Variants in PDE5A observed in about 807,000 individuals in gnomAD.
The protein encoded by PDE5A is cGMP-specific 3',5'-cyclic phosphodiesterase.
A neutral mutation model predicts 110.2 loss-of-function variants in PDE5A; 67 were observed. That is an observed-to-expected ratio of 0.61 (90% CI 0.50 to 0.75). The LOEUF (loss-of-function observed/expected upper bound fraction) is 0.75, where lower values mean the gene tolerates loss of function less well. PDE5A is among the 30% of genes least tolerant of loss of function. The probability of loss-of-function intolerance (pLI) is 0.00; values close to 1 mark genes in which losing one functional copy is unlikely to be tolerated. For synonymous variants in PDE5A, 328 were observed against 351.2 expected, an observed-to-expected ratio of 0.93 and a Z score of 0.74; for missense variants, 862 against 1,045.1, an observed-to-expected ratio of 0.82 and a Z score of 2.42.
intron 7 of PDE5A, among the ~76,000 whole-genome samples, chr4:119,554,004 T>C (rs1352072058): frequency 6.6e-6 from 1 of 152,136 alleles, no homozygotes; most frequent in African/African-American, 2.4e-5. Flanking sequence ...TCATCGCAAA[T>C]GGGCATGGTG....
intron 11 of PDE5A, among the ~76,000 whole-genome samples, chr4:119,526,741 C>A (rs941014616): frequency 1.3e-5 from 2 of 152,126 alleles, no homozygotes; most frequent in African/African-American, 4.8e-5. Context: ...TCTGAAGGCA[C>A]TTGCACATTC....
chr4:119,576,686 C>A (rs1728363565), intron 3 of PDE5A, among the ~76,000 whole-genome samples: 1 of 151,944 alleles, frequency 6.6e-6, no homozygotes, highest in Non-Finnish European at 1.5e-5. Context: ...ACATTCAAAG[C>A]AGTGTGTAGA....
intron 9 of PDE5A, chr4:119,550,263 C>T (rs1267410247): frequency 1.3e-5 from 2 of 152,158 alleles, no homozygotes; most frequent in African/African-American, 2.4e-5. Flanking sequence ...ATTTTTCTCT[C>T]CAAAATCTAC....
rs779232858 is a variant in PDE5A, at chr4:119,498,726, C to T, written c.2503G>A (p.Val835Met). Residue 835 changes from valine to methionine, a missense_variant, in exon 21 of 21, where the codon GTG becomes ATG. Physicochemically the swap from Val to Met is conservative, Grantham distance 21. Transcript: ENST00000354960. ...CLQLYEALTH[V>M]SEDCFPLLDG... ...AGCAAAGGGAAACAGTCCTCTGACA[C>T]GTGGGTCAGGGCCTAAAGAGAAAAA... is the stretch of plus-strand genomic sequence containing the variant. The T allele has an allele frequency of 5.6e-6, 9 of 1,613,720 alleles. No individual in the cohort carries two copies. The highest frequency in any genetic ancestry group is 1.6e-4 in the Middle Eastern group (1 of 6,074).
chr4:119,555,568 T>C (rs1727506999), intron 7 of PDE5A, among the ~76,000 whole-genome samples: 1 of 152,170 alleles, frequency 6.6e-6, no homozygotes, highest in South Asian at 2.1e-4. Flanking sequence ...ATGAAGTATA[T>C]TGGAGAAGTA....
At chr4:119,510,582 A>G (rs1725703238) in intron 15 of PDE5A, among the ~76,000 whole-genome samples, 1 of 152,036 alleles carries the variant, frequency 6.6e-6, no homozygotes, top group South Asian at 2.1e-4. Flanking sequence ...AGCATAGCAT[A>G]TGCTTTCTTA....
Position 119,577,366 on chromosome 4 carries a change from T to G in PDE5A, c.832-10222A>C, listed in dbSNP as rs1157764522. Among the ~76,000 whole-genome samples, 11 of 152,258 alleles carry G rather than the reference T, an allele frequency of 7.2e-5. No individual in the cohort carries two copies. In the East Asian group the frequency reaches 1.9e-3, roughly 27 times the overall value. On this transcript the variant is annotated intron_variant, in intron 3 of 20. Coordinates refer to ENST00000354960, the MANE Select transcript of PDE5A (RefSeq NM_001083.4). ...CCAGCATCATCCTGATACCAAAGCC[T>G]GGCAGAGACACCACAAAAAAAGAGA...
chr4:119,594,103 G>A (rs1729071910), intron 3 of PDE5A, among the ~76,000 whole-genome samples: 1 of 152,044 alleles, frequency 6.6e-6, no homozygotes, highest in Non-Finnish European at 1.5e-5. Context: ...AATCATGTCA[G>A]TACGCGAATT....
At chr4:119,587,127 A>G (rs1449268249) in intron 3 of PDE5A, among the ~76,000 whole-genome samples, 1 of 152,242 alleles carries the variant, frequency 6.6e-6, no homozygotes, top group Non-Finnish European at 1.5e-5. Flanking sequence ...CCTCAAGTCC[A>G]GAACAAACAG....
intron 11 of PDE5A, among the ~76,000 whole-genome samples, chr4:119,535,030 T>C (rs1726681136): frequency 6.6e-6 from 1 of 152,080 alleles, no homozygotes; most frequent in South Asian, 2.1e-4. Flanking sequence ...CAAACCCTGG[T>C]ATATATTTTA....
intron 11 of PDE5A, among the ~76,000 whole-genome samples, chr4:119,536,943 T>C (rs79692732): frequency 0.03 from 4,576 of 152,262 alleles, 90 homozygotes; most frequent in South Asian, 0.067. Flanking sequence ...TCAGTAAACT[T>C]AGTTGACTTA....
intron 15 of PDE5A, among the ~76,000 whole-genome samples, chr4:119,509,704 T>C (rs1310914388): frequency 6.6e-6 from 1 of 151,990 alleles, no homozygotes; most frequent in African/African-American, 2.4e-5. Context: ...TCACATGTTG[T>C]AGAAAAACAA....
chr4:119,568,812 T>C (rs1728038421), intron 3 of PDE5A, among the ~76,000 whole-genome samples: 1 of 152,180 alleles, frequency 6.6e-6, no homozygotes, highest in African/African-American at 2.4e-5. Flanking sequence ...CTGATAAATA[T>C]GCAGTACAAA....
chr4:119,604,903 A>T (rs1441392656), intron 2 of PDE5A, among the ~76,000 whole-genome samples: 1 of 152,138 alleles, frequency 6.6e-6, no homozygotes, highest in South Asian at 2.1e-4. Context: ...ATACTTCTTC[A>T]TCCGAAATCC....
chr4:119,600,387 T>A (rs1041134051), intron 2 of PDE5A, among the ~76,000 whole-genome samples: 1 of 152,298 alleles, frequency 6.6e-6, no homozygotes, highest in South Asian at 2.1e-4. Context: ...TATATTTATA[T>A]GTTATTTTCC....
rs1185314648 is a variant in PDE5A at position 119,567,130 on chromosome 4, G to A, written c.846C>T (p.Ala282=). ...KNHREEVVGV[A]QAINKKSGNG... ...TTCCTGATTTCTTGTTGATGGCCTG[G>A]GCTACACCAACAACCTGGTATAAGG... The change falls in exon 4 of 21, where the codon GCC becomes GCT. Residue 282 remains alanine, a synonymous_variant. Transcript: ENST00000354960. 3.1e-6 allele frequency: 5 copies of A among 1,612,396 alleles called. No homozygotes were observed. Among genetic ancestry groups the A allele is most frequent in the Non-Finnish European group, 4.2e-6 (5 of 1,178,852 alleles).
Position 119,568,892 on chromosome 4 carries a change from GAA to G in PDE5A, c.832-1750_832-1749del, listed in dbSNP as rs527846840. On this transcript the variant is annotated intron_variant, in intron 3 of 20. Transcript: ENST00000354960. ...AATGTACTAAGCAAGAAAATAAAGA[GAA>G]AGCTCCTGCTCACTCAAAAATATAA... 4.6e-5 allele frequency among the ~76,000 whole-genome samples: 7 copies of G among 152,206 alleles called. No individual in the cohort carries two copies. In the East Asian group the frequency reaches 1.4e-3, roughly 29 times the overall value.
intron 5 of PDE5A, among the ~76,000 whole-genome samples, chr4:119,564,471 A>G (rs1727853574): frequency 6.6e-6 from 1 of 152,160 alleles, no homozygotes; most frequent in South Asian, 2.1e-4. Flanking sequence ...AATGAAGAAA[A>G]GTTCTATGAT....
chr4:119,537,684 T>G (rs1258830702), intron 11 of PDE5A, among the ~76,000 whole-genome samples: 2 of 151,898 alleles, frequency 1.3e-5, no homozygotes, highest in Non-Finnish European at 2.9e-5. Flanking sequence ...TCTCCACCTC[T>G]AGTTCTAAAC....
Sources: gnomAD v4.1 joint callset for allele counts (sites outside exome capture counted in the v4.1 genomes callset) on GRCh38, gnomAD v4.1.1 for gene constraint, MANE v1.5 for transcripts, NCBI Gene and HGNC (gene_info 2026-07-23, HGNC 2026-07-21) for gene names.